Variants in CSMD1 observed in about 807,000 individuals in gnomAD.
The protein encoded by CSMD1 is CUB and Sushi multiple domains 1.
CSMD1 carries 213 observed loss-of-function variants against 417.5 expected under a neutral mutation model. The ratio of observed to expected loss-of-function variants is 0.51; its 90% CI spans 0.46 to 0.57. The LOEUF is 0.57. CSMD1 is among the 20% of genes least tolerant of loss of function. The pLI is 0.00. For synonymous variants in CSMD1, 2,862 were observed against 1,736.8 expected, an observed-to-expected ratio of 1.65 and a Z score of -16.11; for missense variants, 6,923 against 4,529.7, an observed-to-expected ratio of 1.53 and a Z score of -15.17.
chr8:3,546,847 G>T (rs1473298712), intron 10 of CSMD1, among the ~76,000 whole-genome samples: 2 of 152,164 alleles, frequency 1.3e-5, no homozygotes, highest in East Asian at 3.9e-4. Context: ...TGAAATGAAA[G>T]GGAAGGTGAA....
chr8:3,034,013 G>A (rs185943842), intron 50 of CSMD1, among the ~76,000 whole-genome samples: 89 of 152,276 alleles, frequency 5.8e-4, no homozygotes, highest in African/African-American at 1.9e-3. Context: ...GTGCCCAGAC[G>A]TGGCTCCTCC....
intron 5 of CSMD1, among the ~76,000 whole-genome samples, chr8:3,926,993 C>T (rs978573957): frequency 3.3e-5 from 5 of 151,818 alleles, no homozygotes; most frequent in African/African-American, 9.7e-5. Context: ...GGATTACAGG[C>T]GTGAGCCACC....
At position 4,597,447 on chromosome 8, in the gene CSMD1, G is replaced by C. The variant is rs148672426; in HGVS notation, c.302+39895C>G. On this transcript the variant is annotated intron_variant, in intron 2 of 69. Transcript: ENST00000635120. ...ATTCACCCCTGGTCCTCTTGTAAAC[G>C]AATGCTTTGAATTGAGTTTCATCTA... Among the ~76,000 whole-genome samples, 275 of 152,102 alleles carry C rather than the reference G, an allele frequency of 1.8e-3. 4 individuals carry two copies. Among genetic ancestry groups the C allele is most frequent in the East Asian group, 0.018 (91 of 5,176 alleles).
intron 5 of CSMD1, among the ~76,000 whole-genome samples, chr8:3,932,455 C>T (rs2627331): frequency 6.7e-6 from 1 of 149,652 alleles, no homozygotes; most frequent in Non-Finnish European, 1.5e-5. Flanking sequence ...AGCCTCAGCA[C>T]GGTAATAAGA....
intron 12 of CSMD1, among the ~76,000 whole-genome samples, chr8:3,428,647 G>C (rs533490163): frequency 1.1e-4 from 16 of 152,220 alleles, no homozygotes; most frequent in African/African-American, 3.6e-4. Context: ...ACAGTATGCA[G>C]CTTTCTTATA....
chr8:3,607,269 A>G (rs1039306485), intron 8 of CSMD1, among the ~76,000 whole-genome samples: 3 of 152,180 alleles, frequency 2.0e-5, no homozygotes, highest in African/African-American at 7.2e-5. Flanking sequence ...GGAAGTCTTC[A>G]GGGGCAAGGA....
intron 5 of CSMD1, among the ~76,000 whole-genome samples, chr8:3,896,145 TTCAG>T (rs1265865317): frequency 6.6e-6 from 1 of 152,164 alleles, no homozygotes; most frequent in Non-Finnish European, 1.5e-5. Context: ...CCCAATTTGA[TTCAG>T]TCAATGTAAT....
At chr8:3,779,295 T>C (rs7836369) in intron 5 of CSMD1, among the ~76,000 whole-genome samples, 14,238 of 151,950 alleles carry the variant, frequency 0.094, 867 homozygotes, top group African/African-American at 0.17. Flanking sequence ...AAACTAGGCT[T>C]GAACTTTTCT....
At chr8:4,245,269 A>G (rs575363884) in intron 3 of CSMD1, among the ~76,000 whole-genome samples, 28 of 152,314 alleles carry the variant, frequency 1.8e-4, no homozygotes, top group Middle Eastern at 3.4e-3. Flanking sequence ...AATGAATTAT[A>G]TAACTCTACA....
At chr8:3,328,335 C>T (rs1198836260) in intron 23 of CSMD1, among the ~76,000 whole-genome samples, 1 of 152,210 alleles carries the variant, frequency 6.6e-6, no homozygotes, top group Non-Finnish European at 1.5e-5. Context: ...CTGCTTAAGG[C>T]ACCTCTGCTT....
At chr8:3,938,937 T>G (rs940067383) in intron 5 of CSMD1, among the ~76,000 whole-genome samples, 2 of 152,162 alleles carry the variant, frequency 1.3e-5, no homozygotes, top group Non-Finnish European at 2.9e-5. Context: ...CAGTAACATT[T>G]TATTAGTTCT....
intron 5 of CSMD1, among the ~76,000 whole-genome samples, chr8:3,931,193 T>G (rs1188351215): frequency 6.6e-6 from 1 of 150,734 alleles, no homozygotes; most frequent in African/African-American, 2.4e-5. Context: ...TCATATCCAT[T>G]TAGGAAGACA....
At chr8:4,902,269 A>T (rs1180419821) in intron 1 of CSMD1, among the ~76,000 whole-genome samples, 3 of 140,156 alleles carry the variant, frequency 2.1e-5, no homozygotes, top group Non-Finnish European at 4.7e-5. Context: ...ATCTCGCTCT[A>T]TCTATTAAAA....
rs183587971 is a variant in CSMD1, at chr8:4,587,532, T to C, written c.302+49810A>G. 1.2e-4 allele frequency among the ~76,000 whole-genome samples: 19 copies of C among 152,218 alleles called. No homozygotes were observed. The East Asian group carries it at 3.7e-3, about 29-fold the overall frequency. On this transcript the variant is annotated intron_variant, in intron 2 of 69. Transcript: ENST00000635120. ...ACACATGAATTTCTCCTTGTCCAAG[T>C]GTCTAACACCTAAGGAAATTTATTT...
At chr8:4,356,771 C>A (rs983986745) in intron 3 of CSMD1, among the ~76,000 whole-genome samples, 3 of 152,142 alleles carry the variant, frequency 2.0e-5, no homozygotes, top group Non-Finnish European at 4.4e-5. Flanking sequence ...GAACCGAGTT[C>A]TTCTCTCAAA....
intron 4 of CSMD1, among the ~76,000 whole-genome samples, chr8:4,011,798 T>A (rs1816559072): frequency 2.0e-5 from 3 of 152,284 alleles, no homozygotes; most frequent in Admixed American, 1.3e-4. Flanking sequence ...TAAAACCAAA[T>A]AAAAATTACA....
At chr8:3,626,508 A>T (rs915646065) in intron 7 of CSMD1, among the ~76,000 whole-genome samples, 1 of 152,104 alleles carries the variant, frequency 6.6e-6, no homozygotes, top group Non-Finnish European at 1.5e-5. Context: ...ATATAGTTAT[A>T]GTTAAACATA....
intron 3 of CSMD1, among the ~76,000 whole-genome samples, chr8:4,087,466 C>T (rs906184149): frequency 6.6e-6 from 1 of 152,162 alleles, no homozygotes; most frequent in African/African-American, 2.4e-5. Context: ...AACTTCTGTC[C>T]CTTTTCTTTC....
chr8:3,566,757 T>C (rs1388793261), intron 10 of CSMD1, among the ~76,000 whole-genome samples: 2 of 152,128 alleles, frequency 1.3e-5, no homozygotes, highest in Non-Finnish European at 2.9e-5. Context: ...GGAATGGCTA[T>C]TATTAAAAAG....
Sources: allele counts gnomAD v4.1 joint callset (sites outside exome capture counted in the v4.1 genomes callset), GRCh38; gene constraint gnomAD v4.1.1; transcripts MANE v1.5; gene names NCBI Gene and HGNC (gene_info 2026-07-23, HGNC 2026-07-21).